The following SH2B1 variants were observed in gnomAD, a reference collection of about 807,000 sequenced individuals.
SH2B1 encodes the protein SH2B adapter protein 1.
In SH2B1, 15 loss-of-function variants were observed where a neutral mutation model predicts 62.6. The ratio of observed to expected loss-of-function variants is 0.24; its 90% CI spans 0.16 to 0.37. The LOEUF (loss-of-function observed/expected upper bound fraction) is 0.37, where lower values mean the gene tolerates loss of function less well. Among genes scored for constraint, SH2B1 ranks in the 10% least tolerant of loss-of-function variants. The pLI, the probability that SH2B1 is intolerant of heterozygous loss-of-function variation, is 1.00. For missense variants in SH2B1, 925 were observed against 1,015.6 expected (o/e 0.91, Z 1.21); for synonymous variants, 443 against 438.0 (o/e 1.01, Z -0.14).
chr16:28,868,980 G>A, intron 2 of SH2B1, 26 bp from the exon 3 acceptor site: 1 of 1,584,362 alleles, frequency 6.3e-7, no homozygotes, highest in Non-Finnish European at 8.7e-7. Context: ...CCCTGCCCCA[G>A]CTGAGGCGTC....
In SH2B1 at chr16:28,873,166, C is replaced by T. The variant is rs745528194; in HGVS notation, c.1898-281C>T. ...ATCTGTCCCCACGTTGCCCCTCCCC[C>T]CAGGCCGGGAGCAGGCTGGGAGCCA... On this transcript the variant is annotated intron_variant, in intron 7 of 7. Transcript: ENST00000684370. This position sits in a 1 kb window ranked among gnomAD's most constrained non-coding sequence, Gnocchi z 4.2. 5.8e-6 allele frequency: 9 copies of T among 1,557,968 alleles called. No individual in the cohort carries two copies. In the Admixed American group the frequency reaches 1.4e-4, roughly 25 times the overall value.
At chr16:28,853,020 ATG>A (rs1183222443) in intron 1 of SH2B1, among the ~76,000 whole-genome samples, 4 of 69,170 alleles carry the variant, frequency 5.8e-5, no homozygotes, top group African/African-American at 3.0e-4. Context: ...ATATTTATAT[ATG>A]TACATATATA....
At chr16:28,851,173 A>T (rs1962090434) in intron 1 of SH2B1, among the ~76,000 whole-genome samples, 1 of 72,866 alleles carries the variant, frequency 1.4e-5, no homozygotes, top group African/African-American at 4.2e-5. Flanking sequence ...ACTCTGTCTC[A>T]AAAAGAAAAA....
upstream of SH2B1, chr16:28,863,464 T>C (rs1399007516): frequency 3.8e-6 from 2 of 523,496 alleles, no homozygotes; most frequent in East Asian, 3.3e-5. Context: ...CGCTCTAGGC[T>C]GCAGCGGGCC....
chr16:28,854,677 G>T (rs1962281563), intron 1 of SH2B1, among the ~76,000 whole-genome samples: 2 of 152,100 alleles, frequency 1.3e-5, no homozygotes, highest in Non-Finnish European at 2.9e-5. Flanking sequence ...GATCAATTCA[G>T]CCTGGGAGTT....
At position 28,873,071 on chromosome 16, in the gene SH2B1, TC is replaced by T; in HGVS notation, c.1897+370del. ...CCCTTCCCGGGGACACTCGGTCTGA[TC>T]CCCTTCCCTCCTCCCTCAATGTCTC... On this transcript the variant is annotated intron_variant, in intron 7 of 7. Coordinates refer to ENST00000684370, the MANE Select transcript of SH2B1 (RefSeq NM_001387430.1). This position sits in a 1 kb window ranked among gnomAD's most constrained non-coding sequence, Gnocchi z 4.2. The T allele has an allele frequency of 1.2e-6, 1 of 831,376 alleles. No homozygotes were observed. The allele number at this position is 831,376 out of a possible 1,614,324, so 51.5% of individuals were successfully genotyped here. A position where few individuals can be genotyped will look rare whatever the true frequency, so the allele number is the denominator to read the frequency against.
At position 28,852,715 on chromosome 16, in the gene SH2B1, CATAT is replaced by C. The variant is rs1235536891; in HGVS notation, c.-301+5893_-301+5896del. On this transcript the variant is annotated intron_variant, in intron 1 of 10. Coordinates refer to the SH2B1 transcript ENST00000322610. ...ATTTATATATATACATATATATTTA[CATAT>C]ATATTTATATATATACATATATATA... Among the ~76,000 whole-genome samples, 6 of 35,722 alleles carry C rather than the reference CATAT, an allele frequency of 1.7e-4. 2 individuals are homozygous for C. The highest frequency in any genetic ancestry group is 3.5e-4 in the Non-Finnish European group (6 of 16,924). The allele number at this position is 35,722 out of a possible 152,430, so 23.4% of individuals were successfully genotyped here. A position where few individuals can be genotyped will look rare whatever the true frequency, so the allele number is the denominator to read the frequency against.
rs1055635368 is a variant in SH2B1 at position 28,871,951 on chromosome 16, A to T, written c.1481A>T (p.Tyr494Phe). The T allele has an allele frequency of 1.9e-6, 3 of 1,587,564 alleles. No homozygotes were observed. The highest frequency in any genetic ancestry group is 2.6e-6 in the Non-Finnish European group (3 of 1,167,946). The change falls in exon 5 of 8, where the codon TAC becomes TTC. Residue 494 changes from tyrosine (Y) to phenylalanine (F), a missense_variant. This residue lies in a region of SH2B1 where 683 missense variants were observed against 704.0 expected (regional missense o/e 0.97). Coordinates refer to ENST00000684370, the MANE Select transcript of SH2B1 (RefSeq NM_001387430.1). ...ACAGTTCATCCCCTCTCAGCCCCCT[A>T]CCCTCCCTTGGACACTCCGGAAACA... Reference protein sequence around the residue: ...TGTVHPLSAPYPPLDTPETAT... With the variant: ...TGTVHPLSAPFPPLDTPETAT...
upstream of SH2B1, among the ~76,000 whole-genome samples, chr16:28,858,935 C>CAGTCT: frequency 7.2e-6 from 1 of 139,288 alleles, no homozygotes; most frequent in Non-Finnish European, 1.5e-5. Context: ...CACAGCAAGA[C>CAGTCT]TGTTTCTCAA....
intron 1 of SH2B1, among the ~76,000 whole-genome samples, chr16:28,851,198 T>G (rs2152153582): frequency 7.1e-6 from 1 of 140,852 alleles, no homozygotes; most frequent in South Asian, 2.2e-4. Context: ...AAAACCAACC[T>G]ATCCAAAACA....
chr16:28,855,784 C>T (rs182014452), intron 1 of SH2B1, among the ~76,000 whole-genome samples: 4,181 of 147,856 alleles, frequency 0.028, 90 homozygotes, highest in Middle Eastern at 0.046. Context: ...GGACTACAGG[C>T]GCCCGCCAGC....
intron 1 of SH2B1, among the ~76,000 whole-genome samples, chr16:28,852,623 TTTA>T (rs1962169725): frequency 1.2e-5 from 1 of 85,574 alleles, no homozygotes; most frequent in Non-Finnish European, 1.9e-5. Flanking sequence ...CACATATATA[TTTA>T]TATATATACA....
Position 28,865,943 on chromosome 16 carries a change from G to C in SH2B1, c.-152G>C. 7.0e-7 allele frequency: 1 copy of C among 1,423,334 alleles called. No individual in the cohort carries two copies. Among genetic ancestry groups the C allele is most frequent in the East Asian group, 2.6e-5 (1 of 38,904 alleles). The allele number at this position is 1,423,334 out of a possible 1,614,324, so 88.2% of individuals were successfully genotyped here. Reference sequence around the variant, plus strand: ...AGTAGGGTCGGACGTCTCTGGCTGGGGGTGGGATGCAGCCTCCGGTGCGCC... The same window carrying C: ...AGTAGGGTCGGACGTCTCTGGCTGGCGGTGGGATGCAGCCTCCGGTGCGCC... On this transcript the variant is annotated 5_prime_UTR_variant, in exon 1 of 8. Coordinates refer to ENST00000684370, the MANE Select transcript of SH2B1 (RefSeq NM_001387430.1).
chr16:28,853,144 ATATATATAAATG>A (rs1369419098), intron 1 of SH2B1, among the ~76,000 whole-genome samples: 2 of 131,694 alleles, frequency 1.5e-5, no homozygotes, highest in Admixed American at 8.6e-5. Flanking sequence ...ATTTATATAA[ATATATATAAATG>A]TATATATAAA....
intron 4 of SH2B1, 66 bp downstream of exon 4, chr16:28,869,449 C>T (rs1271490929): frequency 1.3e-5 from 18 of 1,439,328 alleles, no homozygotes; most frequent in African/African-American, 4.2e-5. Context: ...TGCTGTCAGG[C>T]GCCATGCCCT....
chr16:28,871,223 G>A (rs1248985753), intron 4 of SH2B1, among the ~76,000 whole-genome samples: 1 of 152,140 alleles, frequency 6.6e-6, no homozygotes, highest in East Asian at 1.9e-4. Flanking sequence ...TCACCATGTT[G>A]CCCAGGCTGC....
chr16:28,866,346 T>C lies in SH2B1; in HGVS notation c.252T>C (p.Ser84=). The C allele has an allele frequency of 1.9e-6, 3 of 1,612,920 alleles. No homozygotes were observed. The highest frequency in any genetic ancestry group is 1.7e-5 in the Admixed American group (1 of 60,008). ...TTGAAGCCGAGGTGGCCCGGGCCTC[T>C]GGCTCCCTGTCGCCACCCATCCTGG... ...QHFEAEVARA[S]GSLSPPILAP... Residue 84 remains serine (S), a synonymous_variant, in exon 1 of 8, where the codon TCT becomes TCC. Transcript: ENST00000684370. This position sits in a 1 kb window ranked among gnomAD's most constrained non-coding sequence, Gnocchi z 6.3.
At chr16:28,850,722 G>A (rs1355394167) in intron 1 of SH2B1, among the ~76,000 whole-genome samples, 1 of 151,566 alleles carries the variant, frequency 6.6e-6, no homozygotes, top group Non-Finnish European at 1.5e-5. Flanking sequence ...AGCCAGGAGT[G>A]GTGGCACGTG....
chr16:28,857,360 C>T (rs1235487795), intron 1 of SH2B1, among the ~76,000 whole-genome samples: 1 of 150,214 alleles, frequency 6.7e-6, no homozygotes, highest in Admixed American at 6.7e-5. Context: ...CTACACTGTC[C>T]CCCATCAGGT....
Sources: gnomAD v4.1 joint callset for allele counts (sites outside exome capture counted in the v4.1 genomes callset) on GRCh38, gnomAD v4.1.1 for gene constraint, gnomAD v4.1.1 regional missense constraint, Gnocchi (gnomAD v3.1) non-coding constraint, MANE v1.5 for transcripts, NCBI Gene and HGNC (gene_info 2026-07-23, HGNC 2026-07-21) for gene names.